SLC17A7: variants seen among roughly 807,000 people sequenced by gnomAD.
SLC17A7 encodes the protein vesicular glutamate transporter 1.
Under a neutral mutation model 59.1 loss-of-function variants are expected in SLC17A7, and 15 were observed. The ratio of observed to expected loss-of-function variants is 0.25; its 90% CI spans 0.17 to 0.39. The LOEUF is 0.39. SLC17A7 is among the 10% of genes least tolerant of loss of function. The pLI, the probability that SLC17A7 is intolerant of heterozygous loss-of-function variation, is 1.00. For synonymous variants in SLC17A7, 353 were observed against 308.9 expected (o/e 1.14, Z -1.50); for missense variants, 499 against 765.1 (o/e 0.65, Z 4.10).
At chr19:49,439,873 G>A (rs554579804) in intron 1 of SLC17A7, among the ~76,000 whole-genome samples, 3 of 151,840 alleles carry the variant, frequency 2.0e-5, no homozygotes, top group East Asian at 1.9e-4. Flanking sequence ...TGAGGGAGGG[G>A]CCTGAGGAAT....
At chr19:49,430,866 G>A (rs2078956592) in intron 11 of SLC17A7, 54 bp from the exon 12 acceptor site, 1 of 1,564,310 alleles carries the variant, frequency 6.4e-7, no homozygotes, top group Non-Finnish European at 8.7e-7. Context: ...AACAGAGGCG[G>A]AGAGAGGGGG....
chr19:49,440,939 G>A (rs1036278944), intron 1 of SLC17A7, among the ~76,000 whole-genome samples: 5 of 151,996 alleles, frequency 3.3e-5, no homozygotes, highest in Non-Finnish European at 7.4e-5. Flanking sequence ...GAGAAGGAGG[G>A]GCCCAGAGAG....
At position 49,433,840 on chromosome 19, in the gene SLC17A7, G is replaced by A. The variant is rs1452530417; in HGVS notation, c.753C>T (p.Phe251=). The A allele has an allele frequency of 6.2e-7, 1 of 1,612,906 alleles. No homozygotes were observed. Among genetic ancestry groups the A allele is most frequent in the East Asian group, 2.2e-5 (1 of 44,838 alleles). The part of the protein sequence containing the change: ...YGSFGIFWYL[F]WLLVSYESPA... ...GGGACTCGTAGGAGACGAGCAGCCA[G>A]AACAGGTACCAGAAGATCCCGAAGC... Residue 251 remains phenylalanine (F), a synonymous_variant, in exon 7 of 12, where the codon TTC becomes TTT. Coordinates refer to ENST00000221485, the MANE Select transcript of SLC17A7 (RefSeq NM_020309.4). This position sits in a 1 kb window ranked among gnomAD's most constrained non-coding sequence, Gnocchi z 5.7.
In SLC17A7 at chr19:49,431,210, C is replaced by G; in HGVS notation, c.1262-68G>C. ...CTCGAGTGATTCCCACTGGGACGTT[C>G]TCAACCCTCTCCCCTCCCCGCCACT... On this transcript the variant is annotated intron_variant, in intron 10 of 11. Transcript: ENST00000221485. The surrounding 1 kb of genome is among the most constrained non-coding windows in gnomAD (Gnocchi z 4.6). 6.4e-7 allele frequency: 1 copy of G among 1,568,330 alleles called. No homozygotes were observed. Among genetic ancestry groups the G allele is most frequent in the Non-Finnish European group, 8.7e-7 (1 of 1,154,250 alleles).
At chr19:49,434,958 A>C (rs2078974715) in intron 3 of SLC17A7, 76 bp from the exon 4 acceptor site, 1 of 1,429,286 alleles carries the variant, frequency 7.0e-7, no homozygotes, top group Admixed American at 1.7e-5. Context: ...GCCCACAGCA[A>C]GCTAGGCCCA....
chr19:49,441,130 G>C (rs1168560551), intron 1 of SLC17A7, among the ~76,000 whole-genome samples, 188 bp downstream of exon 1: 1 of 152,098 alleles, frequency 6.6e-6, no homozygotes, highest in Non-Finnish European at 1.5e-5. Flanking sequence ...GCAGAAAAAG[G>C]AACAGGATAA....
chr19:49,430,932 C>A, intron 11 of SLC17A7, 83 bp downstream of exon 11: 2 of 1,556,104 alleles, frequency 1.3e-6, no homozygotes, highest in Admixed American at 1.8e-5. Flanking sequence ...AGGGATGGCA[C>A]CCCAGAGACA....
chr19:49,440,180 T>A (rs1450689404), intron 1 of SLC17A7, among the ~76,000 whole-genome samples: 2 of 152,082 alleles, frequency 1.3e-5, no homozygotes, highest in African/African-American at 4.8e-5. Flanking sequence ...TAAGAGGTGA[T>A]CTGCAGCAAG....
chr19:49,441,512 GA>G lies in SLC17A7; in HGVS notation c.-134del. ...CCGGCCCCGCAGCTCCGCTCGGGGG[GA>G]AGGAGGCTGCAAGTGCAGGCGGCCC... On this transcript the variant is annotated 5_prime_UTR_variant, in exon 1 of 12. Coordinates refer to ENST00000221485, the MANE Select transcript of SLC17A7 (RefSeq NM_020309.4). 2 of 1,052,554 alleles carry G rather than the reference GA, an allele frequency of 1.9e-6. No individual in the cohort carries two copies. Among genetic ancestry groups the G allele is most frequent in the Non-Finnish European group, 2.3e-6 (2 of 875,360 alleles). The allele number at this position is 1,052,554 out of a possible 1,614,324, so 65.2% of individuals were successfully genotyped here.
intron 9 of SLC17A7, 54 bp downstream of exon 9, chr19:49,432,465 G>A: frequency 1.3e-6 from 2 of 1,575,198 alleles, no homozygotes; most frequent in South Asian, 1.2e-5. Flanking sequence ...CTCTCAATCC[G>A]GCTCTGCTCC....
At chr19:49,440,823 G>A (rs1051877179) in intron 1 of SLC17A7, among the ~76,000 whole-genome samples, 2 of 151,840 alleles carry the variant, frequency 1.3e-5, no homozygotes, top group Non-Finnish European at 2.9e-5. Flanking sequence ...GAAAGAGGGG[G>A]ACAGAGACTC....
In SLC17A7 at chr19:49,434,704, A is replaced by C; in HGVS notation, c.550-15T>G. 6.2e-7 allele frequency: 1 copy of C among 1,614,162 alleles called. No individual in the cohort carries two copies. The highest frequency in any genetic ancestry group is 8.5e-7 in the Non-Finnish European group (1 of 1,180,010). On this transcript the variant is annotated splice_polypyrimidine_tract_variant and intron_variant, in intron 4 of 11. Transcript: ENST00000221485. ...TATGTGACCCCCTAAAGAGGAGAAA[A>C]CCAAGGTCACTGAGAAGAGGCAGGG...
In SLC17A7 at chr19:49,432,668, A is replaced by AC; in HGVS notation, c.1018-18dup. 6.9e-7 allele frequency: 1 copy of AC among 1,458,020 alleles called. No individual in the cohort carries two copies. Among genetic ancestry groups the AC allele is most frequent in the Non-Finnish European group, 9.0e-7 (1 of 1,109,902 alleles). 90.3% of individuals were successfully genotyped at this position (1,458,020 alleles called of 1,614,324 possible). ...CAGGCCTACCTGCGGGAACAGGTGT[A>AC]CAGGGACACTAGGGTTCGGGGCCGC... On this transcript the variant is annotated splice_polypyrimidine_tract_variant and intron_variant, in intron 8 of 11. Transcript: ENST00000221485.
At position 49,431,111 on chromosome 19, in the gene SLC17A7, C is replaced by T. The variant is rs753945868; in HGVS notation, c.1293G>A (p.Pro431=). Residue 431 remains proline, a synonymous_variant, in exon 11 of 12, where the codon CCG becomes CCA. Coordinates refer to ENST00000221485, the MANE Select transcript of SLC17A7 (RefSeq NM_020309.4). This position sits in a 1 kb window ranked among gnomAD's most constrained non-coding sequence, Gnocchi z 4.6. ...GFNVNHLDIA[P]RYASILMGIS... ...TGCCCATGAGGATGCTGGCGTAGCG[C>T]GGGGCTATGTCCAGGTGGTTCACGT... is the stretch of plus-strand genomic sequence containing the variant. The T allele has an allele frequency of 4.3e-6, 7 of 1,613,912 alleles. No homozygotes were observed. Among genetic ancestry groups the T allele is most frequent in the Non-Finnish European group, 5.9e-6 (7 of 1,179,988 alleles).
At position 49,430,282 on chromosome 19, in the gene SLC17A7, G is replaced by A. The variant is rs924774925; in HGVS notation, c.*237C>T. The A allele has an allele frequency of 1.1e-5, 5 of 439,270 alleles. No homozygotes were observed. Among genetic ancestry groups the A allele is most frequent in the Admixed American group, 4.1e-5 (1 of 24,448 alleles). The allele number at this position is 439,270 out of a possible 1,614,324, so 27.2% of individuals were successfully genotyped here. A position where few individuals can be genotyped will look rare whatever the true frequency, so the allele number is the denominator to read the frequency against. On this transcript the variant is annotated 3_prime_UTR_variant, in exon 12 of 12. Transcript: ENST00000221485. ...ATTTGAAACCACTGAGGCAGAACGGGTGGAGAGGGAACCTTTAGGGGAATT... is the reference window on the plus strand; with the variant it reads ...ATTTGAAACCACTGAGGCAGAACGGATGGAGAGGGAACCTTTAGGGGAATT...
At position 49,436,096 on chromosome 19, in the gene SLC17A7, G is replaced by A. The variant is rs2078978523; in HGVS notation, c.315+453C>T. On this transcript the variant is annotated intron_variant, in intron 2 of 11. Transcript: ENST00000221485. The surrounding 1 kb of genome is among the most constrained non-coding windows in gnomAD (Gnocchi z 4.1). ...GGAGACCCTGTGGGTCTTTAGATAA[G>A]GGACACAACACATGCAGTGGGACGT... 1 of 174,130 alleles carries A rather than the reference G, an allele frequency of 5.7e-6. No individual in the cohort carries two copies. Among genetic ancestry groups the A allele is most frequent in the African/African-American group, 2.4e-5 (1 of 42,296 alleles). The allele number at this position is 174,130 out of a possible 1,614,324, so 10.8% of individuals were successfully genotyped here.
chr19:49,436,718 G>A lies in SLC17A7; in HGVS notation c.146C>T (p.Pro49Leu), dbSNP rs1374342310. The A allele has an allele frequency of 3.1e-6, 5 of 1,612,430 alleles. No individual in the cohort carries two copies. The highest frequency in any genetic ancestry group is 4.2e-6 in the Non-Finnish European group (5 of 1,179,964). ...GAAGCAGGTGCAGTCCACCACCGGC[G>A]GGTCCCGGGTCTGCGTGGTCACCGG... The part of the protein sequence containing the change: ...GRPVTTQTRD[P>L]PVVDCTCFGL... Residue 49 changes from proline to leucine, a missense_variant, in exon 2 of 12, where the codon CCG becomes CTG. Physicochemically the swap from Pro to Leu is moderately conservative, Grantham distance 98 (BLOSUM62 -3). This residue lies in a region of SLC17A7 where 78 missense variants were observed against 80.4 expected (regional missense o/e 0.97). Transcript: ENST00000221485. The surrounding 1 kb of genome is among the most constrained non-coding windows in gnomAD (Gnocchi z 4.1).
intron 1 of SLC17A7, among the ~76,000 whole-genome samples, chr19:49,439,699 C>A (rs1000468671): frequency 6.6e-6 from 1 of 152,202 alleles, no homozygotes; most frequent in Admixed American, 6.5e-5. Flanking sequence ...TCAGAGCAAA[C>A]CCCAGGCATT....
chr19:49,431,271 T>A lies in SLC17A7; in HGVS notation c.1261+67A>T, dbSNP rs1219443172. The A allele has an allele frequency of 6.3e-7, 1 of 1,588,996 alleles. No individual in the cohort carries two copies. Among genetic ancestry groups the A allele is most frequent in the African/African-American group, 1.3e-5 (1 of 74,446 alleles). On this transcript the variant is annotated intron_variant, in intron 10 of 11. Coordinates refer to ENST00000221485, the MANE Select transcript of SLC17A7 (RefSeq NM_020309.4). The surrounding 1 kb of genome is among the most constrained non-coding windows in gnomAD (Gnocchi z 4.6). ...CTTTTGTGAGGCTGAGAGGCCCCGTTCCTGAGCCAGGAAGTTCCCTACAGA... is the reference window on the plus strand; with the variant it reads ...CTTTTGTGAGGCTGAGAGGCCCCGTACCTGAGCCAGGAAGTTCCCTACAGA...
Sources: gnomAD v4.1 joint callset for allele counts (sites outside exome capture counted in the v4.1 genomes callset) on GRCh38, gnomAD v4.1.1 for gene constraint, gnomAD v4.1.1 regional missense constraint, Gnocchi (gnomAD v3.1) non-coding constraint, MANE v1.5 for transcripts, NCBI Gene and HGNC (gene_info 2026-07-23, HGNC 2026-07-21) for gene names.